The following SMIM13 variants were observed in gnomAD, a reference collection of about 807,000 sequenced individuals.
SMIM13 encodes the protein small integral membrane protein 13.
A neutral mutation model predicts 5.9 loss-of-function variants in SMIM13; 3 were observed. The ratio of observed to expected loss-of-function variants is 0.51; its 90% CI spans 0.23 to 1.31. The LOEUF (loss-of-function observed/expected upper bound fraction) is 1.31. Ranked by LOEUF, SMIM13 falls within the 40% of genes most tolerant of loss-of-function variation. SMIM13 has a pLI of 0.18. For synonymous variants in SMIM13, 55 were observed against 46.0 expected (o/e 1.19, Z -0.79); for missense variants, 85 against 109.9 (o/e 0.77, Z 1.01).
rs147705829 is a variant in SMIM13 at position 11,111,338 on chromosome 6, G to A, written c.76+16949G>A. Among the ~76,000 whole-genome samples the A allele has an allele frequency of 9.2e-5, 14 of 152,302 alleles. No individual in the cohort carries two copies. In the East Asian group the frequency reaches 2.5e-3, roughly 27 times the overall value. ...CAGAGAAAGGAAAATAGGTGGTGGTGGGTTTTTGGGAAAGAGCTGATTTTA... is the reference window on the plus strand; with the variant it reads ...CAGAGAAAGGAAAATAGGTGGTGGTAGGTTTTTGGGAAAGAGCTGATTTTA... On this transcript the variant is annotated intron_variant, in intron 1 of 1. Transcript: ENST00000416247.
At chr6:11,097,458 C>T (rs531491979) in intron 1 of SMIM13, among the ~76,000 whole-genome samples, 1 of 151,904 alleles carries the variant, frequency 6.6e-6, no homozygotes, top group African/African-American at 2.4e-5. Context: ...GAGTTCGAGA[C>T]CAGCCTGGCC....
chr6:11,114,028 G>A (rs1285245474), intron 1 of SMIM13, among the ~76,000 whole-genome samples: 4 of 150,286 alleles, frequency 2.7e-5, no homozygotes, highest in Admixed American at 6.6e-5. Context: ...CGCCCAGGCT[G>A]GAGTGCAATG....
At chr6:11,130,068 C>T (rs573035119) in intron 1 of SMIM13, among the ~76,000 whole-genome samples, 6 of 152,076 alleles carry the variant, frequency 3.9e-5, no homozygotes, top group Non-Finnish European at 5.9e-5. Context: ...GATATGGAAA[C>T]ACCCTGTCTT....
At chr6:11,130,275 ACAAC>A (rs774248582) in intron 1 of SMIM13, among the ~76,000 whole-genome samples, 6 of 150,846 alleles carry the variant, frequency 4.0e-5, no homozygotes, top group South Asian at 4.2e-4. Context: ...AAAAACAACA[ACAAC>A]AACAACAACT....
intron 1 of SMIM13, among the ~76,000 whole-genome samples, chr6:11,112,244 G>T (rs948275635): frequency 2.0e-5 from 3 of 151,674 alleles, no homozygotes; most frequent in Non-Finnish European, 4.4e-5. Context: ...ATGGCCTCCT[G>T]ATAGAACTGC....
In SMIM13 at chr6:11,111,373, G is replaced by A. The variant is rs561159750; in HGVS notation, c.76+16984G>A. ...GAAAGAGCTGATTTTAGTTGAAAAA[G>A]CAGAGGAAACCCCAGATACTACATG... On this transcript the variant is annotated intron_variant, in intron 1 of 1. Transcript: ENST00000416247. Among the ~76,000 whole-genome samples the A allele has an allele frequency of 5.9e-5, 9 of 152,278 alleles. No individual in the cohort carries two copies. In the South Asian group the frequency reaches 1.9e-3, roughly 32 times the overall value.
intron 1 of SMIM13, among the ~76,000 whole-genome samples, chr6:11,109,895 C>G (rs1758142576): frequency 6.6e-6 from 1 of 152,054 alleles, no homozygotes; most frequent in Non-Finnish European, 1.5e-5. Context: ...TCCAATTTCC[C>G]TACTGTCTTT....
chr6:11,103,565 C>A, intron 1 of SMIM13: 2 of 1,368,892 alleles, frequency 1.5e-6, no homozygotes, highest in Non-Finnish European at 1.9e-6. Context: ...TGGGTCTTGG[C>A]CTCTTGCTAG....
intron 1 of SMIM13, among the ~76,000 whole-genome samples, chr6:11,113,952 A>G (rs1030259908): frequency 1.4e-5 from 2 of 147,176 alleles, no homozygotes; most frequent in Non-Finnish European, 3.0e-5. Flanking sequence ...TTTTTAAGGT[A>G]TGACATATAA....
chr6:11,094,443 C>G (rs1757896002), intron 1 of SMIM13, 54 bp downstream of exon 1: 9 of 1,366,430 alleles, frequency 6.6e-6, no homozygotes, highest in Non-Finnish European at 1.0e-6. Context: ...CGCTGATCTG[C>G]TGGGGTTTTT....
At chr6:11,124,492 T>A (rs148093283) in intron 1 of SMIM13, among the ~76,000 whole-genome samples, 1 of 152,294 alleles carries the variant, frequency 6.6e-6, no homozygotes, top group African/African-American at 2.4e-5. Flanking sequence ...ATCGATTTCC[T>A]TTTTTTAGGG....
intron 1 of SMIM13, among the ~76,000 whole-genome samples, chr6:11,116,234 T>A (rs10080950): frequency 6.6e-6 from 1 of 151,624 alleles, no homozygotes; most frequent in Non-Finnish European, 1.5e-5. Flanking sequence ...GGCCAGGCTG[T>A]TCTCAAACTC....
At position 11,135,772 on chromosome 6, in the gene SMIM13, C is replaced by T. The variant is rs1271357195; in HGVS notation, c.*1170C>T. Reference sequence around the variant, plus strand: ...ATTGATGTGATAAAAATCTGTTTAACTCAAAGCGCTGTTTCAATAAATATA... The same window carrying T: ...ATTGATGTGATAAAAATCTGTTTAATTCAAAGCGCTGTTTCAATAAATATA... On this transcript the variant is annotated 3_prime_UTR_variant, in exon 2 of 2. Coordinates refer to ENST00000416247, the MANE Select transcript of SMIM13 (RefSeq NM_001135575.2). 1 of 152,258 alleles carries T rather than the reference C, an allele frequency of 6.6e-6. No individual in the cohort carries two copies. Among genetic ancestry groups the T allele is most frequent in the Non-Finnish European group, 1.5e-5 (1 of 68,026 alleles). 9.4% of individuals were successfully genotyped at this position (152,258 alleles called of 1,614,324 possible). A position where few individuals can be genotyped will look rare whatever the true frequency, so the allele number is the denominator to read the frequency against.
chr6:11,113,970 C>CTTT lies in SMIM13; in HGVS notation c.76+19584_76+19586dup, dbSNP rs558822118. The stretch of plus-strand genomic sequence containing the variant: ...TTAAGGTATGACATATAAAGTTATT[C>CTTT]TTTTTGTTTTTTTTTTTTAATTTTT... On this transcript the variant is annotated intron_variant, in intron 1 of 1. Transcript: ENST00000416247. Among the ~76,000 whole-genome samples, 154 of 144,370 alleles carry CTTT rather than the reference C, an allele frequency of 1.1e-3. 1 individual carries two copies. Among genetic ancestry groups the CTTT allele is most frequent in the Non-Finnish European group, 1.3e-3 (87 of 65,678 alleles). The allele number at this position is 144,370 out of a possible 152,430, so 94.7% of individuals were successfully genotyped here.
At chr6:11,123,379 T>C (rs543800766) in intron 1 of SMIM13, among the ~76,000 whole-genome samples, 1 of 152,372 alleles carries the variant, frequency 6.6e-6, no homozygotes, top group Admixed American at 6.5e-5. Flanking sequence ...ATTCCCCTTT[T>C]TTTGTTTAAG....
intron 1 of SMIM13, among the ~76,000 whole-genome samples, chr6:11,101,478 G>C (rs1757989660): frequency 1.3e-5 from 2 of 152,182 alleles, no homozygotes; most frequent in South Asian, 4.1e-4. Flanking sequence ...TTGCAGTGAA[G>C]AGGTTCTATG....
At chr6:11,109,746 C>T (rs757419724) in intron 1 of SMIM13, among the ~76,000 whole-genome samples, 3 of 152,112 alleles carry the variant, frequency 2.0e-5, no homozygotes, top group Non-Finnish European at 2.9e-5. Flanking sequence ...AAATATTAGC[C>T]TTTTCCTTTT....
At chr6:11,110,300 A>G (rs1758148455) in intron 1 of SMIM13, among the ~76,000 whole-genome samples, 2 of 152,150 alleles carry the variant, frequency 1.3e-5, no homozygotes. Context: ...GCCTGGAACT[A>G]GTCTTCATCT....
chr6:11,133,701 T>A (rs1758480591), intron 1 of SMIM13, among the ~76,000 whole-genome samples: 1 of 151,998 alleles, frequency 6.6e-6, no homozygotes, highest in South Asian at 2.1e-4. Flanking sequence ...TAGCGAACAT[T>A]TAAAAACCTT....
Sources: allele counts gnomAD v4.1 joint callset (sites outside exome capture counted in the v4.1 genomes callset), GRCh38; gene constraint gnomAD v4.1.1; transcripts MANE v1.5; gene names NCBI Gene and HGNC (gene_info 2026-07-23, HGNC 2026-07-21).